TOM1: variants seen among roughly 807,000 people sequenced by gnomAD.
The protein encoded by TOM1 is target of Myb protein 1.
In TOM1, 38 loss-of-function variants were observed where a neutral mutation model predicts 61.3. The observed-to-expected ratio is 0.62, with a 90% CI of 0.48 to 0.81. The LOEUF (loss-of-function observed/expected upper bound fraction) is 0.81, where lower values mean the gene tolerates loss of function less well. Among genes scored for constraint, TOM1 ranks in the 40% least tolerant of loss-of-function variants. TOM1 has a pLI of 0.00. For missense variants in TOM1, 591 were observed against 659.6 expected (o/e 0.90, Z 1.14); for synonymous variants, 270 against 268.8 (o/e 1.00, Z -0.04).
chr22:35,333,763 A>C (rs1929041457), intron 10 of TOM1, among the ~76,000 whole-genome samples: 1 of 152,152 alleles, frequency 6.6e-6, no homozygotes, highest in Admixed American at 6.5e-5. Flanking sequence ...CCATGGCTTC[A>C]ATCATCTGCG....
In TOM1 at chr22:35,310,391, A is replaced by G. The variant is rs183836169; in HGVS notation, c.53-7486A>G. ...AATGTGGTGAAACCCTGTCTCTACTAAAAATACAAAAATTAGCTGGGCATG... is the reference window on the plus strand; with the variant it reads ...AATGTGGTGAAACCCTGTCTCTACTGAAAATACAAAAATTAGCTGGGCATG... On this transcript the variant is annotated intron_variant, in intron 1 of 14. Transcript: ENST00000449058. 3.8e-3 allele frequency among the ~76,000 whole-genome samples: 580 copies of G among 152,352 alleles called. 2 individuals are homozygous for G. Among genetic ancestry groups the G allele is most frequent in the Non-Finnish European group, 6.7e-3 (459 of 68,040 alleles).
chr22:35,334,227 T>G, intron 10 of TOM1, 101 bp from the exon 11 acceptor site: 1 of 1,484,358 alleles, frequency 6.7e-7, no homozygotes. Flanking sequence ...CACGTGCCAC[T>G]TCCCCAGCAC....
rs374900298 is a variant in TOM1 at position 35,327,312 on chromosome 22, C to T, written c.690C>T (p.Asn230=). 1.1e-5 allele frequency: 18 copies of T among 1,613,898 alleles called. No homozygotes were observed. Among genetic ancestry groups the T allele is most frequent in the Admixed American group, 8.3e-5 (5 of 59,994 alleles). ...LRSELEMVSG[N]VRVMSEMLTE... is the part of the protein sequence containing the mutation. ...GTGAGCTGGAGATGGTGAGTGGGAACGTGAGGGTGATGTCGGAGATGCTGA... is the reference window on the plus strand; with the variant it reads ...GTGAGCTGGAGATGGTGAGTGGGAATGTGAGGGTGATGTCGGAGATGCTGA... The change falls in exon 7 of 15, where the codon AAC becomes AAT. Residue 230 remains asparagine (N), a synonymous_variant. Coordinates refer to ENST00000449058, the MANE Select transcript of TOM1 (RefSeq NM_005488.3).
Position 35,299,905 on chromosome 22 carries a change from T to A in TOM1, c.-24T>A, listed in dbSNP as rs1423644653. On this transcript the variant is annotated 5_prime_UTR_variant, in exon 1 of 15. It adds an upstream start codon to the 5' untranslated region. Coordinates refer to ENST00000449058, the MANE Select transcript of TOM1 (RefSeq NM_005488.3). ...GGTTGCTGTCAGCTGATTCCCGGGGTTGGTGGCAGCGGCGGTAGCAGCAAT... is the reference window on the plus strand; with the variant it reads ...GGTTGCTGTCAGCTGATTCCCGGGGATGGTGGCAGCGGCGGTAGCAGCAAT... 3 of 1,570,386 alleles carry A rather than the reference T, an allele frequency of 1.9e-6. No individual in the cohort carries two copies. The highest frequency in any genetic ancestry group is 2.3e-5 in the South Asian group (2 of 86,570).
chr22:35,330,287 A>G (rs145024189), intron 7 of TOM1, 60 bp from the exon 8 acceptor site: 30,123 of 1,531,230 alleles, frequency 0.02, 384 homozygotes, highest in Non-Finnish European at 0.023. Context: ...ACAAAAAAAA[A>G]AAGAGACGGC....
At chr22:35,304,630 C>T (rs1926158758) in intron 1 of TOM1, among the ~76,000 whole-genome samples, 1 of 152,162 alleles carries the variant, frequency 6.6e-6, no homozygotes, top group Admixed American at 6.5e-5. Flanking sequence ...AGGCACCCGC[C>T]ACCACACCTG....
chr22:35,312,814 C>T (rs1926951039), intron 1 of TOM1, among the ~76,000 whole-genome samples: 1 of 152,188 alleles, frequency 6.6e-6, no homozygotes, highest in African/African-American at 2.4e-5. Context: ...TGGCTGACGC[C>T]AGCCCCTGGA....
intron 1 of TOM1, among the ~76,000 whole-genome samples, chr22:35,300,558 C>T (rs1375573778): frequency 6.6e-6 from 1 of 152,240 alleles, no homozygotes; most frequent in Non-Finnish European, 1.5e-5. Flanking sequence ...CTCGACCCAA[C>T]CTCAAATGGA....
chr22:35,318,085 C>A, intron 2 of TOM1, 124 bp downstream of exon 2: 1 of 868,988 alleles, frequency 1.2e-6, no homozygotes, highest in Non-Finnish European at 1.9e-6. Flanking sequence ...AAGTCTGACC[C>A]AACCCGCTTG....
intron 1 of TOM1, among the ~76,000 whole-genome samples, chr22:35,302,476 A>G (rs1399239514): frequency 6.6e-6 from 1 of 151,082 alleles, no homozygotes; most frequent in South Asian, 2.1e-4. Flanking sequence ...AGCCGGGATT[A>G]CAGGCACGCT....
intron 3 of TOM1, 31 bp downstream of exon 3, chr22:35,322,068 G>A: frequency 1.9e-6 from 3 of 1,604,946 alleles, no homozygotes; most frequent in Non-Finnish European, 2.6e-6. Flanking sequence ...TCCTGTGGCA[G>A]GACTACGGTC....
intron 14 of TOM1, 36 bp downstream of exon 14, chr22:35,347,005 C>T (rs1373651850): frequency 3.1e-6 from 5 of 1,607,476 alleles, no homozygotes; most frequent in Non-Finnish European, 4.3e-6. Context: ...CTCTCCTTTC[C>T]CCAGGGCTCT....
chr22:35,309,535 C>A (rs1301954086), intron 1 of TOM1, among the ~76,000 whole-genome samples: 2 of 151,628 alleles, frequency 1.3e-5, no homozygotes, highest in Non-Finnish European at 2.9e-5. Context: ...TCCCAGCTAC[C>A]CTGGAGGCTG....
chr22:35,333,533 A>G, intron 10 of TOM1, 36 bp downstream of exon 10: 2 of 1,595,414 alleles, frequency 1.3e-6, no homozygotes, highest in South Asian at 1.1e-5. Context: ...CTGAGGGTAC[A>G]TTATGGTACT....
Position 35,323,651 on chromosome 22 carries a change from G to A in TOM1, c.501+21G>A, listed in dbSNP as rs754031352. On this transcript the variant is annotated intron_variant, in intron 5 of 14. Coordinates refer to ENST00000449058, the MANE Select transcript of TOM1 (RefSeq NM_005488.3). The surrounding 1 kb of genome is among the most constrained non-coding windows in gnomAD (Gnocchi z 4.2). ...AGAGGGTGAGAGAACTGCCGTACCG[G>A]GAACCAAGGGAAGGGAGGCAGGACT... 4 of 1,614,058 alleles carry A rather than the reference G, an allele frequency of 2.5e-6. No individual in the cohort carries two copies. The highest frequency in any genetic ancestry group is 1.1e-5 in the South Asian group (1 of 91,078).
intron 12 of TOM1, among the ~76,000 whole-genome samples, chr22:35,342,570 G>A (rs1353790783): frequency 1.4e-5 from 2 of 144,124 alleles, no homozygotes; most frequent in Admixed American, 1.3e-4. Flanking sequence ...CTTGTGGAGA[G>A]AGTTGAGAAG....
chr22:35,346,539 T>C (rs1188498428), intron 13 of TOM1, among the ~76,000 whole-genome samples: 1 of 151,998 alleles, frequency 6.6e-6, no homozygotes, highest in Non-Finnish European at 1.5e-5. Context: ...CCCCCAGGGG[T>C]GAGGACCACC....
In TOM1 at chr22:35,347,234, C is replaced by A; in HGVS notation, c.*25C>A. The A allele has an allele frequency of 3.8e-6, 6 of 1,575,006 alleles. No individual in the cohort carries two copies. The highest frequency in any genetic ancestry group is 5.2e-6 in the Non-Finnish European group (6 of 1,158,052). ...AGTGTGGGGTCTGGCACCCTGCAGC[C>A]CAGGTCCCCACTGCTCTCACACCCT... On this transcript the variant is annotated 3_prime_UTR_variant, in exon 15 of 15. Coordinates refer to ENST00000449058, the MANE Select transcript of TOM1 (RefSeq NM_005488.3).
chr22:35,318,695 G>C (rs1927516731), intron 2 of TOM1, among the ~76,000 whole-genome samples: 1 of 152,244 alleles, frequency 6.6e-6, no homozygotes, highest in Non-Finnish European at 1.5e-5. Flanking sequence ...TCCCTGGAGG[G>C]AGCAGAAAGG....
Sources: gnomAD v4.1 joint callset for allele counts (sites outside exome capture counted in the v4.1 genomes callset) on GRCh38, gnomAD v4.1.1 for gene constraint, Gnocchi (gnomAD v3.1) non-coding constraint, MANE v1.5 for transcripts, NCBI Gene and HGNC (gene_info 2026-07-23, HGNC 2026-07-21) for gene names.